The following RAPGEF5 variants were observed in gnomAD, a reference collection of about 807,000 sequenced individuals.
RAPGEF5 encodes M-Ras-regulated GEF.
RAPGEF5 carries 65 observed loss-of-function variants against 125.2 expected under a neutral mutation model. That is an observed-to-expected ratio of 0.52 (90% CI 0.43 to 0.64). The LOEUF (loss-of-function observed/expected upper bound fraction) is 0.64, where lower values mean the gene tolerates loss of function less well. Ranked by LOEUF, RAPGEF5 falls within the 30% of genes least tolerant of loss-of-function variation. The probability of loss-of-function intolerance (pLI) is 0.00; values close to 1 mark genes in which losing one functional copy is unlikely to be tolerated. For synonymous variants in RAPGEF5, 391 were observed against 385.9 expected (o/e 1.01, Z -0.16); for missense variants, 958 against 1,048.1 (o/e 0.91, Z 1.19).
chr7:22,316,478 TATATATATATA>T lies in RAPGEF5; in HGVS notation c.283-1013_283-1003del, dbSNP rs1484486811. 4.0e-3 allele frequency among the ~76,000 whole-genome samples: 237 copies of T among 59,102 alleles called. 3 individuals are homozygous for T. The highest frequency in any genetic ancestry group is 7.3e-3 in the Admixed American group (43 of 5,910). 38.8% of individuals were successfully genotyped at this position (59,102 alleles called of 152,430 possible). The stretch of plus-strand genomic sequence containing the variant: ...ACATAGACATATATATATATATATA[TATATATATATA>T]TTTTTTTTTTTTTTTTTTTGAGGCA... On this transcript the variant is annotated intron_variant, in intron 2 of 25. Coordinates refer to ENST00000665637, the MANE Select transcript of RAPGEF5 (RefSeq NM_012294.5).
At chr7:22,230,528 T>C (rs1357033036) in intron 8 of RAPGEF5, among the ~76,000 whole-genome samples, 1 of 152,212 alleles carries the variant, frequency 6.6e-6, no homozygotes, top group Non-Finnish European at 1.5e-5. Context: ...CTCTAGCAAG[T>C]TGGTGCTGTC....
At chr7:22,177,312 G>T (rs764349794) in intron 11 of RAPGEF5, among the ~76,000 whole-genome samples, 3 of 152,188 alleles carry the variant, frequency 2.0e-5, no homozygotes, top group Non-Finnish European at 2.9e-5. Context: ...TATGTCATTG[G>T]CCTTGAGTCA....
At chr7:22,282,668 G>GACAA (rs1370913161) in intron 6 of RAPGEF5, among the ~76,000 whole-genome samples, 1 of 152,138 alleles carries the variant, frequency 6.6e-6, no homozygotes, top group African/African-American at 2.4e-5. Flanking sequence ...GACAATGTAC[G>GACAA]ACAAAAAGTA....
chr7:22,150,999 T>C (rs1783608623), intron 17 of RAPGEF5, among the ~76,000 whole-genome samples: 1 of 152,260 alleles, frequency 6.6e-6, no homozygotes, highest in Admixed American at 6.5e-5. Context: ...CATATTCTTA[T>C]AAGCACTTTA....
chr7:22,255,683 T>C (rs1051107298), intron 7 of RAPGEF5, among the ~76,000 whole-genome samples: 5 of 152,162 alleles, frequency 3.3e-5, no homozygotes, highest in Middle Eastern at 3.2e-3. Flanking sequence ...TAGTAAAATA[T>C]TTTGGTACAT....
chr7:22,145,839 A>T lies in RAPGEF5; in HGVS notation c.2008-617T>A, dbSNP rs530839304. 1.2e-4 allele frequency among the ~76,000 whole-genome samples: 18 copies of T among 152,310 alleles called. No individual in the cohort carries two copies. The South Asian group carries it at 3.3e-3, about 28-fold the overall frequency. The stretch of plus-strand genomic sequence containing the variant: ...AATATAAAACATTGTCAAACCATAA[A>T]ATGCAAAGAGAATGAGATTAGGGCA... On this transcript the variant is annotated intron_variant, in intron 19 of 25. Coordinates refer to ENST00000665637, the MANE Select transcript of RAPGEF5 (RefSeq NM_012294.5).
chr7:22,283,662 T>C (rs1467215960), intron 6 of RAPGEF5, among the ~76,000 whole-genome samples: 9 of 152,166 alleles, frequency 5.9e-5, no homozygotes, highest in Non-Finnish European at 1.3e-4. Context: ...AATATCCAAA[T>C]TGAGAGTCAA....
chr7:22,342,604 C>T lies in RAPGEF5; in HGVS notation c.231+14226G>A, dbSNP rs12668119. ...ATAAAACTGAATGCCTTTAACACCACCCAAGTCACCTCTTGAATGCTTTGC... is the reference window on the plus strand; with the variant it reads ...ATAAAACTGAATGCCTTTAACACCATCCAAGTCACCTCTTGAATGCTTTGC... On this transcript the variant is annotated intron_variant, in intron 1 of 25. Coordinates refer to ENST00000665637, the MANE Select transcript of RAPGEF5 (RefSeq NM_012294.5). Among the ~76,000 whole-genome samples the T allele has an allele frequency of 1.9e-4, 29 of 152,158 alleles. 1 individual carries two copies. The highest frequency in any genetic ancestry group is 6.8e-3 in the Middle Eastern group (2 of 294).
intron 17 of RAPGEF5, among the ~76,000 whole-genome samples, chr7:22,151,173 G>C (rs1783614447): frequency 6.6e-6 from 1 of 152,108 alleles, no homozygotes; most frequent in Non-Finnish European, 1.5e-5. Context: ...CACGGGGCCT[G>C]GCACATAACT....
At chr7:22,305,756 G>C (rs984597234) in intron 5 of RAPGEF5, among the ~76,000 whole-genome samples, 1 of 152,038 alleles carries the variant, frequency 6.6e-6, no homozygotes, top group Non-Finnish European at 1.5e-5. Context: ...CTGTGTTCAT[G>C]AGTTCAGTTG....
chr7:22,203,455 C>T lies in RAPGEF5; in HGVS notation c.997-9422G>A, dbSNP rs968424578. Among the ~76,000 whole-genome samples, 12 of 152,288 alleles carry T rather than the reference C, an allele frequency of 7.9e-5. No homozygotes were observed. In the South Asian group the frequency reaches 8.3e-4, roughly 11 times the overall value. On this transcript the variant is annotated intron_variant, in intron 9 of 25. Transcript: ENST00000665637. ...CTTGGTCTTTGGTCAGGGTGACTGA[C>T]GATCTGCAAAGGCACAGTTGCATCC...
chr7:22,304,196 T>G (rs1252004500), intron 5 of RAPGEF5, among the ~76,000 whole-genome samples: 5 of 152,172 alleles, frequency 3.3e-5, no homozygotes, highest in African/African-American at 9.7e-5. Flanking sequence ...AGGTATATAC[T>G]GTCTCTCTCT....
intron 16 of RAPGEF5, among the ~76,000 whole-genome samples, chr7:22,155,497 G>A (rs1783775365): frequency 6.6e-6 from 1 of 152,184 alleles, no homozygotes; most frequent in Non-Finnish European, 1.5e-5. Flanking sequence ...AAAAAATTGA[G>A]AGTGAAGCTT....
At chr7:22,179,618 A>G (rs1784612527) in intron 11 of RAPGEF5, among the ~76,000 whole-genome samples, 2 of 152,190 alleles carry the variant, frequency 1.3e-5, no homozygotes, top group Non-Finnish European at 2.9e-5. Flanking sequence ...GTGAGATAGT[A>G]CGTCTGCACA....
At chr7:22,156,671 C>T in intron 16 of RAPGEF5, 139 bp downstream of exon 16, 4 of 1,338,774 alleles carry the variant, frequency 3.0e-6, no homozygotes, top group Non-Finnish European at 4.0e-6. Context: ...AAAGAAAAAC[C>T]ATGCTGTTTG....
chr7:22,294,757 C>A (rs1221621929), intron 5 of RAPGEF5, among the ~76,000 whole-genome samples: 1 of 152,184 alleles, frequency 6.6e-6, no homozygotes, highest in African/African-American at 2.4e-5. Context: ...ATCACTGCCA[C>A]TGTGGTCCCA....
intron 9 of RAPGEF5, 37 bp downstream of exon 9, chr7:22,219,829 C>G: frequency 6.5e-7 from 1 of 1,537,258 alleles, no homozygotes; most frequent in Non-Finnish European, 8.8e-7. Context: ...ATTTTCCACC[C>G]CTTCAAACCT....
At chr7:22,276,139 T>C (rs1212690939) in intron 6 of RAPGEF5, among the ~76,000 whole-genome samples, 1 of 152,190 alleles carries the variant, frequency 6.6e-6, no homozygotes, top group Non-Finnish European at 1.5e-5. Context: ...ATTTTAATTT[T>C]TGTTGTAATA....
intron 11 of RAPGEF5, among the ~76,000 whole-genome samples, chr7:22,173,529 C>G (rs1784414471): frequency 6.6e-6 from 1 of 152,162 alleles, no homozygotes; most frequent in South Asian, 2.1e-4. Flanking sequence ...AAAGTCACCC[C>G]TTTAAATGAC....
Sources: gnomAD v4.1 joint callset for allele counts (sites outside exome capture counted in the v4.1 genomes callset) on GRCh38, gnomAD v4.1.1 for gene constraint, MANE v1.5 for transcripts, NCBI Gene and HGNC (gene_info 2026-07-23, HGNC 2026-07-21) for gene names.